Variants in PID1 observed in about 807,000 individuals in gnomAD.
The protein encoded by PID1 is phosphotyrosine interaction domain containing 1, also known as PTB-containing, cubilin and LRP1-interacting protein.
A neutral mutation model predicts 19.1 loss-of-function variants in PID1; 10 were observed. The ratio of observed to expected loss-of-function variants is 0.52; its 90% confidence interval spans 0.32 to 0.89. PID1 has a LOEUF of 0.89. Ranked by LOEUF, PID1 falls within the 40% of genes least tolerant of loss-of-function variation. The pLI is 0.03. For synonymous variants in PID1, 130 were observed against 116.0 expected (o/e 1.12, Z -0.78); for missense variants, 248 against 285.3 (o/e 0.87, Z 0.94).
At chr2:229,114,174 AAC>A (rs151089843) in intron 2 of PID1, among the ~76,000 whole-genome samples, 1,708 of 124,072 alleles carry the variant, frequency 0.014, 27 homozygotes, top group African/African-American at 0.04. Flanking sequence ...TCTCCACACA[AAC>A]ACACACACAC....
chr2:229,166,377 A>G (rs1243229670), intron 1 of PID1, among the ~76,000 whole-genome samples: 1 of 152,220 alleles, frequency 6.6e-6, no homozygotes, highest in Admixed American at 6.5e-5. Context: ...AGGTTTACAA[A>G]TATCCAAACC....
At chr2:229,072,010 T>C (rs1371375274) in intron 2 of PID1, among the ~76,000 whole-genome samples, 3 of 152,212 alleles carry the variant, frequency 2.0e-5, no homozygotes, top group Admixed American at 6.5e-5. Flanking sequence ...TGTCATTCTA[T>C]AGTTTTGAGT....
chr2:229,203,761 T>C lies in PID1; in HGVS notation c.31-47797A>G, dbSNP rs140518300. On this transcript the variant is annotated intron_variant, in intron 1 of 2. Transcript: ENST00000392055. ...CTACACACAGGTGGACATACCCAGC[T>C]CCTTAAGCATTTGGCCAAGGCTTTG... Among the ~76,000 whole-genome samples the C allele has an allele frequency of 5.8e-3, 885 of 152,144 alleles. 3 individuals carry two copies. Among genetic ancestry groups the C allele is most frequent in the Middle Eastern group, 0.01 (3 of 294 alleles).
At chr2:229,237,971 A>G (rs1000578653) in intron 1 of PID1, among the ~76,000 whole-genome samples, 17 of 152,180 alleles carry the variant, frequency 1.1e-4, no homozygotes, top group Non-Finnish European at 2.1e-4. Context: ...TGAAATCTAC[A>G]TGGTAGAAAA....
At chr2:229,069,728 A>G (rs191038534) in intron 2 of PID1, among the ~76,000 whole-genome samples, 2 of 152,334 alleles carry the variant, frequency 1.3e-5, no homozygotes, top group East Asian at 3.9e-4. Context: ...AAGTAGGCAC[A>G]TGTACAAACA....
intron 1 of PID1, among the ~76,000 whole-genome samples, chr2:229,199,737 T>TAG (rs1449869085): frequency 2.2e-5 from 3 of 135,344 alleles, no homozygotes; most frequent in African/African-American, 8.1e-5. Flanking sequence ...TATATATATA[T>TAG]ATATATATAC....
At chr2:229,194,640 T>C (rs1691332062) in intron 1 of PID1, among the ~76,000 whole-genome samples, 1 of 151,930 alleles carries the variant, frequency 6.6e-6, no homozygotes, top group Admixed American at 6.6e-5. Flanking sequence ...CTTAATAAAA[T>C]GAACATAATC....
chr2:229,267,095 T>C (rs1690609911), intron 1 of PID1, among the ~76,000 whole-genome samples: 2 of 152,348 alleles, frequency 1.3e-5, no homozygotes, highest in South Asian at 2.1e-4. Context: ...AAGGGTGAGA[T>C]AATCCTCAGA....
chr2:229,111,842 A>G (rs1695303941), intron 2 of PID1, among the ~76,000 whole-genome samples: 1 of 152,248 alleles, frequency 6.6e-6, no homozygotes, highest in Admixed American at 6.5e-5. Flanking sequence ...GTTAAATGAC[A>G]TCAAAATAGG....
At chr2:229,208,556 C>T (rs76939847) in intron 1 of PID1, among the ~76,000 whole-genome samples, 1,752 of 152,294 alleles carry the variant, frequency 0.012, 19 homozygotes, top group Admixed American at 0.02. Context: ...GAGCTTTTCT[C>T]AAAAGCATAG....
chr2:229,266,047 T>A (rs536622612), intron 1 of PID1, among the ~76,000 whole-genome samples: 1 of 152,202 alleles, frequency 6.6e-6, no homozygotes, highest in Non-Finnish European at 1.5e-5. Context: ...TAAGATAGCA[T>A]TTTATTCCTG....
intron 1 of PID1, among the ~76,000 whole-genome samples, chr2:229,158,003 T>G (rs80264208): frequency 0.022 from 3,373 of 152,326 alleles, 47 homozygotes; most frequent in Non-Finnish European, 0.035. Flanking sequence ...GTGCAGCGTT[T>G]TCACTGTTCC....
chr2:229,237,990 T>C (rs1196906655), intron 1 of PID1, among the ~76,000 whole-genome samples: 2 of 152,234 alleles, frequency 1.3e-5, no homozygotes, highest in Non-Finnish European at 2.9e-5. Context: ...AAAGTGGAGC[T>C]AGTATCAAAC....
intron 2 of PID1, among the ~76,000 whole-genome samples, chr2:229,128,780 T>C (rs1318701971): frequency 6.6e-6 from 1 of 152,202 alleles, no homozygotes; most frequent in Admixed American, 6.5e-5. Context: ...AAGAGATGAA[T>C]AAATTAATGG....
intron 1 of PID1, among the ~76,000 whole-genome samples, chr2:229,241,905 A>G (rs1180299904): frequency 2.6e-5 from 4 of 152,192 alleles, no homozygotes; most frequent in East Asian, 1.9e-4. Context: ...ATAAACCTCT[A>G]TAAGTACCCT....
chr2:229,111,934 G>C (rs1434461300), intron 2 of PID1, among the ~76,000 whole-genome samples: 1 of 152,216 alleles, frequency 6.6e-6, no homozygotes, highest in Non-Finnish European at 1.5e-5. Flanking sequence ...AGCACGAAAA[G>C]AGAAAGGCTG....
chr2:229,025,581 C>A lies in PID1; in HGVS notation c.*51G>T. On this transcript the variant is annotated 3_prime_UTR_variant, in exon 3 of 3. Coordinates refer to ENST00000392055, the MANE Select transcript of PID1 (RefSeq NM_001100818.2). ...TTGAAACGTTGCTTACTCATCTATT[C>A]CCTTGAACTCCGTGACCAATGCTGC... 1 of 1,372,892 alleles carries A rather than the reference C, an allele frequency of 7.3e-7. No homozygotes were observed. Among genetic ancestry groups the A allele is most frequent in the Non-Finnish European group, 1.0e-6 (1 of 974,230 alleles). The allele number at this position is 1,372,892 out of a possible 1,614,324, so 85.0% of individuals were successfully genotyped here. A position where few individuals can be genotyped will look rare whatever the true frequency, so the allele number is the denominator to read the frequency against.
intron 1 of PID1, among the ~76,000 whole-genome samples, chr2:229,238,757 G>GCAT (rs1260343795): frequency 6.6e-6 from 1 of 152,028 alleles, no homozygotes; most frequent in Non-Finnish European, 1.5e-5. Flanking sequence ...GCATTACCAG[G>GCAT]CATCTCAGAG....
intron 1 of PID1, among the ~76,000 whole-genome samples, chr2:229,222,081 T>C (rs1317968909): frequency 6.6e-6 from 1 of 152,246 alleles, no homozygotes; most frequent in African/African-American, 2.4e-5. Context: ...AATATAAATT[T>C]ACTTATAACA....
Sources: allele counts gnomAD v4.1 joint callset (sites outside exome capture counted in the v4.1 genomes callset), GRCh38; gene constraint gnomAD v4.1.1; transcripts MANE v1.5; gene names NCBI Gene and HGNC (gene_info 2026-07-23, HGNC 2026-07-21).